PCDHGB7: variants seen among roughly 807,000 people sequenced by gnomAD.
PCDHGB7 encodes protocadherin gamma-B7.
A neutral mutation model predicts 61.4 loss-of-function variants in PCDHGB7; 37 were observed. That is an observed-to-expected ratio of 0.60 (90% CI 0.46 to 0.79). PCDHGB7 has a LOEUF of 0.79. PCDHGB7 is among the 30% of genes least tolerant of loss of function. The pLI, the probability that PCDHGB7 is intolerant of heterozygous loss-of-function variation, is 0.00. For synonymous variants in PCDHGB7, 464 were observed against 503.5 expected (o/e 0.92, Z 1.05); for missense variants, 1,166 against 1,202.5 (o/e 0.97, Z 0.45).
chr5:141,423,053 T>C lies in PCDHGB7; in HGVS notation c.2415+2779T>C, dbSNP rs200154593. 1.4e-4 allele frequency: 219 copies of C among 1,614,170 alleles called. 1 individual carries two copies. The African/African-American group carries it at 2.5e-3, about 18-fold the overall frequency. ...CAGAACGCCTGGCTGTCCTATCGCCTGCTTAAGGCCAGCGAGCCGGGACTC... is the reference window on the plus strand; with the variant it reads ...CAGAACGCCTGGCTGTCCTATCGCCCGCTTAAGGCCAGCGAGCCGGGACTC... On this transcript the variant is annotated intron_variant, in intron 1 of 3. Coordinates refer to ENST00000398594, the MANE Select transcript of PCDHGB7 (RefSeq NM_018927.4).
intron 1 of PCDHGB7, among the ~76,000 whole-genome samples, chr5:141,482,800 G>C (rs10052648): frequency 0.023 from 2,992 of 130,874 alleles, 96 homozygotes; most frequent in African/African-American, 0.087. Context: ...GGCCGGGTAC[G>C]GTGGCTCATG....
chr5:141,470,658 G>T lies in PCDHGB7; in HGVS notation c.2416-24149G>T, dbSNP rs527415532. Among the ~76,000 whole-genome samples the T allele has an allele frequency of 4.7e-3, 721 of 152,024 alleles. 9 individuals carry two copies. The highest frequency in any genetic ancestry group is 6.7e-3 in the Non-Finnish European group (452 of 67,944). On this transcript the variant is annotated intron_variant, in intron 1 of 3. Transcript: ENST00000398594. ...CTTGCTTTGAAGGCCCCTACCCTTT[G>T]GTTAGGGCTCTGCTGTTACCATCTT... is the stretch of plus-strand genomic sequence containing the variant.
Position 141,462,764 on chromosome 5 carries a change from G to C in PCDHGB7, c.2416-32043G>C, listed in dbSNP as rs150842317. Among the ~76,000 whole-genome samples, 589 of 152,084 alleles carry C rather than the reference G, an allele frequency of 3.9e-3. 5 individuals are homozygous for C. Among genetic ancestry groups the C allele is most frequent in the Admixed American group, 0.011 (169 of 15,274 alleles). ...AATTCCTATGATGATTTTCTTCCTG[G>C]CTTGGGGTCATAATTTGTTGCTTAT... On this transcript the variant is annotated intron_variant, in intron 1 of 3. Transcript: ENST00000398594.
intron 1 of PCDHGB7, among the ~76,000 whole-genome samples, chr5:141,437,923 A>G (rs893873818): frequency 2.0e-5 from 3 of 152,110 alleles, no homozygotes; most frequent in African/African-American, 7.2e-5. Context: ...TTTTTAGTAG[A>G]GATGGGGTTT....
intron 1 of PCDHGB7, among the ~76,000 whole-genome samples, chr5:141,473,390 A>T (rs554428702): frequency 1.3e-5 from 2 of 152,190 alleles, no homozygotes; most frequent in Non-Finnish European, 2.9e-5. Flanking sequence ...GCCCTCCTGG[A>T]GCTTCTTTTT....
In PCDHGB7 at chr5:141,476,401, G is replaced by A. The variant is rs772438777; in HGVS notation, c.2416-18406G>A. The A allele has an allele frequency of 1.9e-6, 3 of 1,614,054 alleles. No individual in the cohort carries two copies. Among genetic ancestry groups the A allele is most frequent in the African/African-American group, 2.7e-5 (2 of 74,926 alleles). On this transcript the variant is annotated intron_variant, in intron 1 of 3. Coordinates refer to ENST00000398594, the MANE Select transcript of PCDHGB7 (RefSeq NM_018927.4). This position sits in a 1 kb window ranked among gnomAD's most constrained non-coding sequence, Gnocchi z 7.6. ...TTGTGAACGACCGTCTGGATCGAGA[G>A]GAGCTGTGTGGGACACTGCCCTCTT...
intron 1 of PCDHGB7, among the ~76,000 whole-genome samples, chr5:141,436,162 G>A (rs1036923915): frequency 2.6e-5 from 4 of 152,142 alleles, no homozygotes; most frequent in African/African-American, 7.2e-5. Flanking sequence ...TTTATCATAT[G>A]GACAGTTCTC....
At position 141,489,871 on chromosome 5, in the gene PCDHGB7, G is replaced by C; in HGVS notation, c.2416-4936G>C. ...TGAAGCCCAGGCAAGACATCAGCTGGTGCTTACTGCTGTGGATGGGGGGAC... is the reference window on the plus strand; with the variant it reads ...TGAAGCCCAGGCAAGACATCAGCTGCTGCTTACTGCTGTGGATGGGGGGAC... On this transcript the variant is annotated intron_variant, in intron 1 of 3. Coordinates refer to ENST00000398594, the MANE Select transcript of PCDHGB7 (RefSeq NM_018927.4). The surrounding 1 kb of genome is among the most constrained non-coding windows in gnomAD (Gnocchi z 4.5). 1 of 1,614,206 alleles carries C rather than the reference G, an allele frequency of 6.2e-7. No individual in the cohort carries two copies.
chr5:141,433,115 G>T, intron 1 of PCDHGB7: 1 of 1,613,762 alleles, frequency 6.2e-7, no homozygotes, highest in Non-Finnish European at 8.5e-7. Context: ...GGAGAGCTTT[G>T]AAAAAAGCGA....
chr5:141,499,634 C>A (rs1194596079), intron 2 of PCDHGB7, among the ~76,000 whole-genome samples: 1 of 151,220 alleles, frequency 6.6e-6, no homozygotes, highest in Non-Finnish European at 1.5e-5. Flanking sequence ...TCTTTTGAAG[C>A]AAATCTCAGA....
chr5:141,479,003 C>T (rs2099485569), intron 1 of PCDHGB7, among the ~76,000 whole-genome samples: 1 of 152,176 alleles, frequency 6.6e-6, no homozygotes, highest in South Asian at 2.1e-4. Context: ...AAACTAATAG[C>T]TTTTTGATAA....
At chr5:141,454,409 T>G (rs1221091875) in intron 1 of PCDHGB7, among the ~76,000 whole-genome samples, 1 of 152,162 alleles carries the variant, frequency 6.6e-6, no homozygotes, top group Non-Finnish European at 1.5e-5. Flanking sequence ...TTATTCCTTT[T>G]TATTTATTTA....
intron 1 of PCDHGB7, chr5:141,429,047 GGTTTCACC>G (rs1254088441): frequency 1.3e-5 from 2 of 152,034 alleles, no homozygotes; most frequent in Non-Finnish European, 2.9e-5. Flanking sequence ...GTACAGACGG[GGTTTCACC>G]GTGTTAGCCA....
intron 1 of PCDHGB7, chr5:141,422,116 T>G (rs753281558): frequency 1.2e-6 from 2 of 1,604,612 alleles, no homozygotes; most frequent in African/African-American, 1.3e-5. Flanking sequence ...CCAATTGGAT[T>G]CACAAACTGG....
chr5:141,448,983 T>G (rs1157371020), intron 1 of PCDHGB7, among the ~76,000 whole-genome samples: 1 of 152,004 alleles, frequency 6.6e-6, no homozygotes, highest in East Asian at 1.9e-4. Flanking sequence ...ACTTCCATAT[T>G]AATATATAGA....
At chr5:141,428,001 T>G (rs149531447) in intron 1 of PCDHGB7, 10 of 1,601,704 alleles carry the variant, frequency 6.2e-6, no homozygotes, top group Non-Finnish European at 8.5e-6. Flanking sequence ...CTCCGCACTC[T>G]TCGATATAGT....
chr5:141,478,783 T>G (rs1435790850), intron 1 of PCDHGB7: 2 of 1,483,968 alleles, frequency 1.3e-6, no homozygotes, highest in Admixed American at 4.6e-5. Flanking sequence ...TGGACCTAAT[T>G]CACATCCTCA....
At position 141,417,732 on chromosome 5, in the gene PCDHGB7, C is replaced by T. The variant is rs2096153715; in HGVS notation, c.-128C>T. ...GGCTCCCGGCTGCGCAGACCTTGCC[C>T]AGCACACCAGATTGCCAGCTCCGAG... On this transcript the variant is annotated 5_prime_UTR_variant, in exon 1 of 4. Transcript: ENST00000398594. 4 of 1,390,342 alleles carry T rather than the reference C, an allele frequency of 2.9e-6. No individual in the cohort carries two copies. Among genetic ancestry groups the T allele is most frequent in the Admixed American group, 2.8e-5 (1 of 35,260 alleles). 86.1% of individuals were successfully genotyped at this position (1,390,342 alleles called of 1,614,324 possible). A position where few individuals can be genotyped will look rare whatever the true frequency, so the allele number is the denominator to read the frequency against.
chr5:141,486,688 C>G lies in PCDHGB7; in HGVS notation c.2416-8119C>G, dbSNP rs748605515. On this transcript the variant is annotated intron_variant, in intron 1 of 3. Coordinates refer to ENST00000398594, the MANE Select transcript of PCDHGB7 (RefSeq NM_018927.4). This position sits in a 1 kb window ranked among gnomAD's most constrained non-coding sequence, Gnocchi z 5.0. ...CCAGGAATCGAGATGTATCAGCTTCCTCTTTCATCTCTCTGAACCCCCAGA... is the reference window on the plus strand; with the variant it reads ...CCAGGAATCGAGATGTATCAGCTTCGTCTTTCATCTCTCTGAACCCCCAGA... The G allele has an allele frequency of 1.2e-6, 2 of 1,614,170 alleles. No homozygotes were observed. The highest frequency in any genetic ancestry group is 8.5e-7 in the Non-Finnish European group (1 of 1,180,044).
Sources: allele counts gnomAD v4.1 joint callset (sites outside exome capture counted in the v4.1 genomes callset), GRCh38; gene constraint gnomAD v4.1.1; non-coding constraint Gnocchi (gnomAD v3.1); transcripts MANE v1.5; gene names NCBI Gene and HGNC (gene_info 2026-07-23, HGNC 2026-07-21).